FRMD4A: variants seen among roughly 807,000 people sequenced by gnomAD.
FRMD4A encodes FERM domain containing 4A.
FRMD4A carries 29 observed loss-of-function variants against 129.1 expected under a neutral mutation model. The observed-to-expected ratio is 0.22, with a 90% CI of 0.17 to 0.31. FRMD4A has a LOEUF of 0.31. Ranked by LOEUF, FRMD4A falls within the 10% of genes least tolerant of loss-of-function variation. The pLI is 1.00. For synonymous variants in FRMD4A, 634 were observed against 571.6 expected, an observed-to-expected ratio of 1.11 and a Z score of -1.56; for missense variants, 1,272 against 1,375.8, an observed-to-expected ratio of 0.92 and a Z score of 1.19.
intron 12 of FRMD4A, among the ~76,000 whole-genome samples, chr10:13,709,663 A>G (rs2087814514): frequency 6.6e-6 from 1 of 152,102 alleles, no homozygotes; most frequent in Non-Finnish European, 1.5e-5. Flanking sequence ...TTGGCTGCAT[A>G]CCACGGCGGT....
At chr10:14,238,834 T>G (rs893779839) in intron 2 of FRMD4A, among the ~76,000 whole-genome samples, 2 of 152,168 alleles carry the variant, frequency 1.3e-5, no homozygotes, top group Non-Finnish European at 2.9e-5. Context: ...GCTTCCAACT[T>G]CATCCATGTC....
intron 2 of FRMD4A, among the ~76,000 whole-genome samples, chr10:14,138,592 C>T (rs536273096): frequency 6.6e-6 from 1 of 152,100 alleles, no homozygotes; most frequent in South Asian, 2.1e-4. Flanking sequence ...AACACCATCT[C>T]TGCTAAAAAT....
chr10:13,781,481 G>A (rs1286906183), intron 6 of FRMD4A, among the ~76,000 whole-genome samples: 1 of 144,786 alleles, frequency 6.9e-6, no homozygotes. Context: ...AGGTTCAAGA[G>A]ATTTTCCTGC....
chr10:14,230,955 A>G (rs1378915070), intron 2 of FRMD4A, among the ~76,000 whole-genome samples: 1 of 152,158 alleles, frequency 6.6e-6, no homozygotes, highest in African/African-American at 2.4e-5. Flanking sequence ...TGCTGCAAAG[A>G]ACGTGATTTT....
chr10:14,303,325 T>G (rs1442662192), intron 2 of FRMD4A, among the ~76,000 whole-genome samples: 2 of 152,216 alleles, frequency 1.3e-5, no homozygotes, highest in African/African-American at 4.8e-5. Context: ...TCTGATTCAA[T>G]GGGTCGGGGT....
chr10:13,844,952 C>T (rs2094021655), intron 3 of FRMD4A, among the ~76,000 whole-genome samples: 1 of 152,180 alleles, frequency 6.6e-6, no homozygotes, highest in African/African-American at 2.4e-5. Flanking sequence ...CTGGAAAGAC[C>T]AGTCACTGTC....
intron 2 of FRMD4A, among the ~76,000 whole-genome samples, chr10:14,125,785 C>T (rs1310021344): frequency 6.6e-6 from 1 of 152,162 alleles, no homozygotes; most frequent in Non-Finnish European, 1.5e-5. Flanking sequence ...CTCCTGCTAT[C>T]TCGGAACTTC....
intron 2 of FRMD4A, among the ~76,000 whole-genome samples, chr10:14,086,881 C>G (rs1254081978): frequency 6.6e-6 from 1 of 152,194 alleles, no homozygotes; most frequent in Non-Finnish European, 1.5e-5. Flanking sequence ...TTTTGCTGCT[C>G]TGGAGCTCAG....
rs1233746487 is a variant in FRMD4A at position 13,836,105 on chromosome 10, CT to C, written c.111+22741del. On this transcript the variant is annotated intron_variant, in intron 3 of 24. Transcript: ENST00000357447. ...CTCTGCCTCCCGGGTTCAAGGGATT[CT>C]CCTGCTTCAGCCTCCTGAGTAGCTG... 4.6e-5 allele frequency among the ~76,000 whole-genome samples: 7 copies of C among 152,326 alleles called. No homozygotes were observed. The East Asian group carries it at 1.4e-3, about 29-fold the overall frequency.
intron 2 of FRMD4A, among the ~76,000 whole-genome samples, chr10:13,983,895 C>T (rs575366596): frequency 1.3e-5 from 2 of 151,670 alleles, no homozygotes; most frequent in East Asian, 3.9e-4. Flanking sequence ...CCCAGCTACT[C>T]GGGAGGCTGC....
intron 2 of FRMD4A, among the ~76,000 whole-genome samples, chr10:13,960,988 C>T (rs942855273): frequency 1.3e-5 from 2 of 152,190 alleles, no homozygotes; most frequent in African/African-American, 2.4e-5. Context: ...ATAGATTTCT[C>T]TTGTGTTAAA....
At chr10:13,974,684 G>C (rs1034832400) in intron 2 of FRMD4A, among the ~76,000 whole-genome samples, 17 of 152,104 alleles carry the variant, frequency 1.1e-4, no homozygotes, top group African/African-American at 4.8e-5. Flanking sequence ...CCGCCACCAT[G>C]CCTGGCTAAT....
chr10:13,989,656 A>G (rs1459453070), intron 2 of FRMD4A, among the ~76,000 whole-genome samples: 1 of 152,218 alleles, frequency 6.6e-6, no homozygotes, highest in Non-Finnish European at 1.5e-5. Context: ...GAATACATGG[A>G]CAGGTACAGC....
chr10:13,747,640 C>T (rs1007864771), intron 9 of FRMD4A, 96 bp downstream of exon 9: 9 of 686,476 alleles, frequency 1.3e-5, no homozygotes, highest in South Asian at 8.6e-5. Flanking sequence ...CAGGCTGGCA[C>T]GTGGGAGCTG....
At chr10:14,003,755 A>G (rs2095651473) in intron 2 of FRMD4A, among the ~76,000 whole-genome samples, 1 of 152,226 alleles carries the variant, frequency 6.6e-6, no homozygotes, top group African/African-American at 2.4e-5. Context: ...GGTGGGCCAC[A>G]TAAAAGGTTC....
intron 12 of FRMD4A, among the ~76,000 whole-genome samples, chr10:13,711,746 C>G (rs1359338308): frequency 6.6e-6 from 1 of 152,226 alleles, no homozygotes; most frequent in Non-Finnish European, 1.5e-5. Flanking sequence ...TTCCTTTGAT[C>G]TTTTGGCATC....
intron 2 of FRMD4A, among the ~76,000 whole-genome samples, chr10:14,274,004 G>T (rs1845254153): frequency 6.6e-6 from 1 of 152,148 alleles, no homozygotes; most frequent in Non-Finnish European, 1.5e-5. Context: ...ATGGTGGGGG[G>T]AGAAATGAAC....
chr10:13,897,268 T>C (rs2698136), intron 2 of FRMD4A, among the ~76,000 whole-genome samples: 143,415 of 152,292 alleles, frequency 0.94, 67,724 homozygotes, highest in Non-Finnish European at 0.97. Flanking sequence ...CTGTCCTTGC[T>C]GGAGAAGAAA....
intron 14 of FRMD4A, among the ~76,000 whole-genome samples, chr10:13,695,425 G>A (rs1178620498): frequency 1.3e-5 from 2 of 152,194 alleles, no homozygotes; most frequent in Non-Finnish European, 2.9e-5. Context: ...ACAGGCGTGA[G>A]CCACCGCGCC....
Sources: gnomAD v4.1 joint callset for allele counts (sites outside exome capture counted in the v4.1 genomes callset) on GRCh38, gnomAD v4.1.1 for gene constraint, MANE v1.5 for transcripts, NCBI Gene and HGNC (gene_info 2026-07-23, HGNC 2026-07-21) for gene names.